The following AMHR2 variants were observed in gnomAD, a reference collection of about 807,000 sequenced individuals.
The protein encoded by AMHR2 is anti-Muellerian hormone type-2 receptor.
A neutral mutation model predicts 61.4 loss-of-function variants in AMHR2; 36 were observed. The ratio of observed to expected loss-of-function variants is 0.59; its 90% confidence interval spans 0.45 to 0.77. AMHR2 has a LOEUF of 0.77. Ranked by LOEUF, AMHR2 falls within the 30% of genes least tolerant of loss-of-function variation. The pLI is 0.00. For missense variants in AMHR2, 638 were observed against 714.6 expected (o/e 0.89, Z 1.22); for synonymous variants, 258 against 279.4 (o/e 0.92, Z 0.76).
chr12:53,426,476 G>T (rs1939602056), intron 6 of AMHR2, among the ~76,000 whole-genome samples: 1 of 151,774 alleles, frequency 6.6e-6, no homozygotes, highest in South Asian at 2.1e-4. Flanking sequence ...ACAAAAAATT[G>T]GCTGGGTGTG....
At chr12:53,424,160 T>C (rs953064877) in intron 1 of AMHR2, 128 bp from the exon 2 acceptor site, 6 of 1,397,950 alleles carry the variant, frequency 4.3e-6, no homozygotes, top group Middle Eastern at 2.3e-4. Flanking sequence ...CTGACCCTGC[T>C]TCCTCCTGTG....
intron 10 of AMHR2, 132 bp from the exon 11 acceptor site, chr12:53,431,045 G>A: frequency 8.6e-7 from 1 of 1,167,516 alleles, no homozygotes; most frequent in Non-Finnish European, 1.3e-6. Context: ...AAGAGGGAGA[G>A]GAGGGAGGCT....
chr12:53,429,080 G>A, intron 7 of AMHR2, 70 bp downstream of exon 7: 3 of 1,384,930 alleles, frequency 2.2e-6, no homozygotes, highest in Non-Finnish European at 3.0e-6. Flanking sequence ...TTAGTTTGGA[G>A]GGGAAAGATT....
At chr12:53,431,128 C>T (rs1211468141) in intron 10 of AMHR2, 49 bp from the exon 11 acceptor site, 3 of 1,605,482 alleles carry the variant, frequency 1.9e-6, no homozygotes, top group Admixed American at 3.3e-5. Context: ...AACCCTGGGG[C>T]CCACTCAAGA....
chr12:53,425,454 G>A lies in AMHR2; in HGVS notation c.503-1G>A, dbSNP rs751661136. On this transcript the variant is annotated splice_acceptor_variant, in intron 4 of 10. Coordinates refer to ENST00000257863, the MANE Select transcript of AMHR2 (RefSeq NM_020547.3). LOFTEE classifies it high-confidence loss of function. ...GACCCTAAGGCTCTTGTCTGTTCCA[G>A]CCCTGCTACAGCGAAAGAACTACAG... The A allele has an allele frequency of 6.2e-7, 1 of 1,613,822 alleles. No homozygotes were observed. The highest frequency in any genetic ancestry group is 8.5e-7 in the Non-Finnish European group (1 of 1,179,994).
chr12:53,428,835 C>T (rs1939840110), intron 6 of AMHR2, 61 bp from the exon 7 acceptor site: 1 of 1,239,184 alleles, frequency 8.1e-7, no homozygotes, highest in African/African-American at 1.5e-5. Context: ...TCTCTGCTCC[C>T]TGGGATGGAT....
intron 6 of AMHR2, 38 bp from the exon 7 acceptor site, chr12:53,428,858 G>C: frequency 1.4e-6 from 2 of 1,479,232 alleles, no homozygotes; most frequent in East Asian, 2.5e-5. Flanking sequence ...GCCGTCTCCA[G>C]CTTTGTGTAC....
chr12:53,429,720 T>C (rs960273037), intron 8 of AMHR2, 95 bp downstream of exon 8: 1 of 1,598,644 alleles, frequency 6.3e-7, no homozygotes, highest in Non-Finnish European at 8.5e-7. Flanking sequence ...GCAATACCTA[T>C]AGCATTTGGG....
At position 53,424,309 on chromosome 12, in the gene AMHR2, G is replaced by C. The variant is rs1480285191; in HGVS notation, c.71G>C (p.Cys24Ser). The C allele has an allele frequency of 6.2e-7, 1 of 1,612,552 alleles. No individual in the cohort carries two copies. The highest frequency in any genetic ancestry group is 8.5e-7 in the Non-Finnish European group (1 of 1,180,038). ...AVEAPPNRRT[C>S]VFFEAPGVRG... ...TCAGCACCCCCAAACAGGCGAACCTGTGTGTTCTTTGAGGCCCCTGGAGTG... is the reference window on the plus strand; with the variant it reads ...TCAGCACCCCCAAACAGGCGAACCTCTGTGTTCTTTGAGGCCCCTGGAGTG... The change falls in exon 2 of 11, where the codon TGT (cysteine) becomes TCT (serine). Residue 24 changes from cysteine (C) to serine (S), a missense_variant. Physicochemically the swap from Cys to Ser is moderately radical, Grantham distance 112 (BLOSUM62 -1). Transcript: ENST00000257863.
At chr12:53,428,765 G>T (rs1939834331) in intron 6 of AMHR2, 131 bp from the exon 7 acceptor site, 1 of 719,972 alleles carries the variant, frequency 1.4e-6, no homozygotes, top group Non-Finnish European at 2.5e-6. Context: ...TATTGTCTTG[G>T]CCAGCATCCA....
intron 10 of AMHR2, 78 bp downstream of exon 10, chr12:53,430,360 G>C: frequency 6.2e-7 from 1 of 1,607,602 alleles, no homozygotes; most frequent in East Asian, 2.2e-5. Context: ...CTCTGCCAGA[G>C]TGTCTGTCTA....
At chr12:53,424,925 C>G (rs780231274) in intron 3 of AMHR2, 25 bp downstream of exon 3, 108 of 1,603,006 alleles carry the variant, frequency 6.7e-5, no homozygotes, top group Non-Finnish European at 7.8e-5. Flanking sequence ...GTACTGAAGC[C>G]TGATGGGGGC....
Position 53,424,485 on chromosome 12 carries a change from A to T in AMHR2, c.232+15A>T. 6.2e-7 allele frequency: 1 copy of T among 1,610,888 alleles called. No individual in the cohort carries two copies. The highest frequency in any genetic ancestry group is 8.5e-7 in the Non-Finnish European group (1 of 1,178,628). ...GGAAATGCAAGGTGAATGGCAAAGTATATGGCAGGTGATGGCTAGGGTGGG... is the reference window on the plus strand; with the variant it reads ...GGAAATGCAAGGTGAATGGCAAAGTTTATGGCAGGTGATGGCTAGGGTGGG... On this transcript the variant is annotated intron_variant, in intron 2 of 10. Coordinates refer to ENST00000257863, the MANE Select transcript of AMHR2 (RefSeq NM_020547.3).
intron 6 of AMHR2, 71 bp downstream of exon 6, chr12:53,425,990 A>C: frequency 7.0e-7 from 1 of 1,433,758 alleles, no homozygotes; most frequent in Non-Finnish European, 9.7e-7. Flanking sequence ...GCTACATGGC[A>C]GCTGGGCCCT....
chr12:53,425,267 T>C (rs931580433), intron 4 of AMHR2, 25 bp downstream of exon 4: 1 of 1,612,326 alleles, frequency 6.2e-7, no homozygotes. Context: ...CATCCCTCCC[T>C]TGTGACCCCA....
chr12:53,430,187 C>A lies in AMHR2; in HGVS notation c.1330C>A (p.Leu444Met). The A allele has an allele frequency of 6.2e-7, 1 of 1,612,968 alleles. No homozygotes were observed. The highest frequency in any genetic ancestry group is 8.5e-7 in the Non-Finnish European group (1 of 1,179,002). Residue 444 changes from leucine to methionine, a missense_variant, in exon 10 of 11, where the codon CTG becomes ATG. By Grantham distance (15) the Leu-to-Met change is conservative (BLOSUM62 2). Transcript: ENST00000257863. ...PPFQLAYEAE[L>M]GNTPTSDELW... ...CTTCCAACTGGCCTATGAGGCAGAA[C>A]TGGGCAATACCCCTACCTCTGATGA...
At chr12:53,428,850 C>T (rs776434563) in intron 6 of AMHR2, 46 bp from the exon 7 acceptor site, 18 of 1,390,676 alleles carry the variant, frequency 1.3e-5, no homozygotes, top group Middle Eastern at 2.0e-4. Context: ...ATGGATCAGC[C>T]GTCTCCAGCT....
At chr12:53,430,481 G>A (rs929338306) in intron 10 of AMHR2, 199 bp downstream of exon 10, 9 of 772,656 alleles carry the variant, frequency 1.2e-5, no homozygotes, top group East Asian at 5.5e-5. Context: ...TCACACAGTC[G>A]ATTCCATCTA....
intron 1 of AMHR2, 106 bp downstream of exon 1, chr12:53,424,089 G>A: frequency 1.4e-6 from 2 of 1,423,164 alleles, no homozygotes; most frequent in Non-Finnish European, 2.0e-6. Context: ...TGGGCTGGGT[G>A]AGTAAGGGTG....
Sources: allele counts gnomAD v4.1 joint callset (sites outside exome capture counted in the v4.1 genomes callset), GRCh38; gene constraint gnomAD v4.1.1; transcripts MANE v1.5; gene names NCBI Gene and HGNC (gene_info 2026-07-23, HGNC 2026-07-21).